The following CSMD1 variants were observed in gnomAD, a reference collection of about 807,000 sequenced individuals.
CSMD1 encodes CUB and Sushi multiple domains 1.
In CSMD1, 213 loss-of-function variants were observed where a neutral mutation model predicts 417.5. The observed-to-expected ratio is 0.51, with a 90% CI of 0.46 to 0.57. The LOEUF (loss-of-function observed/expected upper bound fraction) is 0.57, where lower values mean the gene tolerates loss of function less well. CSMD1 is among the 20% of genes least tolerant of loss of function. The pLI, the probability that CSMD1 is intolerant of heterozygous loss-of-function variation, is 0.00. For synonymous variants in CSMD1, 2,862 were observed against 1,736.8 expected, an observed-to-expected ratio of 1.65 and a Z score of -16.11; for missense variants, 6,923 against 4,529.7, an observed-to-expected ratio of 1.53 and a Z score of -15.17.
intron 5 of CSMD1, among the ~76,000 whole-genome samples, chr8:3,938,652 T>A (rs1044881230): frequency 1.3e-5 from 2 of 152,170 alleles, no homozygotes; most frequent in East Asian, 3.9e-4. Flanking sequence ...GCAAGTCTCT[T>A]TGAAGTCTGC....
intron 39 of CSMD1, among the ~76,000 whole-genome samples, chr8:3,156,321 G>T (rs73657590): frequency 0.011 from 1,743 of 152,288 alleles, 36 homozygotes; most frequent in African/African-American, 0.039. Flanking sequence ...CCAGAAGTGT[G>T]ACTGTTATAA....
At chr8:3,160,379 TC>T (rs1182958876) in intron 38 of CSMD1, among the ~76,000 whole-genome samples, 1 of 152,166 alleles carries the variant, frequency 6.6e-6, no homozygotes, top group Non-Finnish European at 1.5e-5. Flanking sequence ...GACTTTGGAA[TC>T]CCAAAGTGCT....
chr8:2,956,683 C>T (rs1294289894), intron 63 of CSMD1, among the ~76,000 whole-genome samples: 2 of 152,036 alleles, frequency 1.3e-5, no homozygotes, highest in Admixed American at 1.3e-4. Context: ...GTCTCGATCT[C>T]CTGACCTCGT....
chr8:3,921,461 A>T (rs1809256483), intron 5 of CSMD1, among the ~76,000 whole-genome samples: 1 of 151,752 alleles, frequency 6.6e-6, no homozygotes, highest in South Asian at 2.1e-4. Context: ...TTCTTTTCCT[A>T]GTTCAGTGAG....
intron 3 of CSMD1, among the ~76,000 whole-genome samples, chr8:4,197,655 G>A (rs1243192700): frequency 2.0e-5 from 3 of 152,174 alleles, no homozygotes; most frequent in Admixed American, 2.0e-4. Flanking sequence ...GAGGCAGGTG[G>A]ATCATTTGAG....
chr8:3,142,459 C>A lies in CSMD1; in HGVS notation c.6241+6G>T, dbSNP rs761220069. On this transcript the variant is annotated splice_donor_region_variant and intron_variant, in intron 41 of 69. Coordinates refer to ENST00000635120, the MANE Select transcript of CSMD1 (RefSeq NM_033225.6). ...TTGGGTTTCGGTTCTCGTTGTTGTT[C>A]CATACCTTGGTAAGCAAGTTTAAAT... The A allele has an allele frequency of 1.9e-6, 3 of 1,610,810 alleles. No individual in the cohort carries two copies. Among genetic ancestry groups the A allele is most frequent in the Non-Finnish European group, 2.5e-6 (3 of 1,178,002 alleles).
intron 3 of CSMD1, among the ~76,000 whole-genome samples, chr8:4,323,051 A>G (rs892599966): frequency 2.0e-5 from 3 of 152,304 alleles, no homozygotes; most frequent in African/African-American, 7.2e-5. Flanking sequence ...AAAGATTTTG[A>G]CCAGCCTACA....
intron 2 of CSMD1, among the ~76,000 whole-genome samples, chr8:4,611,742 T>G (rs1801186478): frequency 6.6e-6 from 1 of 152,198 alleles, no homozygotes; most frequent in Non-Finnish European, 1.5e-5. Context: ...ATATTCTCAT[T>G]TGTGAGTCAT....
At chr8:3,513,059 C>G (rs5028044) in intron 10 of CSMD1, among the ~76,000 whole-genome samples, 26,224 of 151,816 alleles carry the variant, frequency 0.17, 3,072 homozygotes, top group African/African-American at 0.32. Flanking sequence ...ACTTCTAAAA[C>G]GGATAGCTGT....
At chr8:4,256,332 A>C (rs1323272194) in intron 3 of CSMD1, among the ~76,000 whole-genome samples, 2 of 152,160 alleles carry the variant, frequency 1.3e-5, no homozygotes, top group African/African-American at 4.8e-5. Context: ...ACCAGCTCTG[A>C]ATTTCTAGCT....
intron 22 of CSMD1, among the ~76,000 whole-genome samples, chr8:3,345,987 G>T (rs1585031650): frequency 6.6e-6 from 1 of 152,118 alleles, no homozygotes; most frequent in African/African-American, 2.4e-5. Context: ...ACGTGTGCAG[G>T]GGGTGCGTGT....
intron 1 of CSMD1, among the ~76,000 whole-genome samples, chr8:4,711,124 G>C (rs1443487830): frequency 1.3e-5 from 2 of 151,148 alleles, no homozygotes; most frequent in African/African-American, 4.9e-5. Flanking sequence ...AGAGAAGTTT[G>C]GTAAAATGGA....
intron 12 of CSMD1, among the ~76,000 whole-genome samples, chr8:3,458,125 T>A (rs761391670): frequency 7.4e-4 from 113 of 152,306 alleles, no homozygotes; most frequent in Middle Eastern, 6.8e-3. Context: ...TCCGTGTCAT[T>A]TCCACTACAT....
intron 3 of CSMD1, among the ~76,000 whole-genome samples, chr8:4,297,186 G>T (rs1280831213): frequency 1.3e-5 from 2 of 152,042 alleles, no homozygotes; most frequent in South Asian, 4.1e-4. Context: ...TTACAATCTA[G>T]AAATGTATTT....
chr8:3,094,464 GT>G (rs1815163225), intron 47 of CSMD1, among the ~76,000 whole-genome samples: 1 of 152,066 alleles, frequency 6.6e-6, no homozygotes, highest in African/African-American at 2.4e-5. Flanking sequence ...TGTTCTCTTT[GT>G]CTAAAATGTA....
intron 10 of CSMD1, among the ~76,000 whole-genome samples, chr8:3,503,889 G>A (rs905608323): frequency 7.2e-5 from 10 of 139,590 alleles, no homozygotes; most frequent in African/African-American, 1.1e-4. Flanking sequence ...TTCAACTCTC[G>A]ACTTGGATGA....
chr8:4,281,758 A>C (rs903744737), intron 3 of CSMD1, among the ~76,000 whole-genome samples: 33 of 152,372 alleles, frequency 2.2e-4, no homozygotes, highest in African/African-American at 7.5e-4. Context: ...TTGTTTTCAA[A>C]ATACATAAAG....
chr8:4,733,989 G>C (rs543578102), intron 1 of CSMD1, among the ~76,000 whole-genome samples: 1 of 152,284 alleles, frequency 6.6e-6, no homozygotes, highest in South Asian at 2.1e-4. Flanking sequence ...GTGAAGTGAA[G>C]ATTCTCTTAT....
intron 3 of CSMD1, among the ~76,000 whole-genome samples, chr8:4,100,541 G>C (rs144604454): frequency 1.5e-3 from 234 of 152,270 alleles, no homozygotes; most frequent in African/African-American, 5.2e-3. Context: ...AAGTGTTGAA[G>C]GATCAAATCA....
Sources: allele counts gnomAD v4.1 joint callset (sites outside exome capture counted in the v4.1 genomes callset), GRCh38; gene constraint gnomAD v4.1.1; transcripts MANE v1.5; gene names NCBI Gene and HGNC (gene_info 2026-07-23, HGNC 2026-07-21).